The following PRDM16 variants were observed in gnomAD, a reference collection of about 807,000 sequenced individuals.
PRDM16 encodes the protein histone-lysine N-methyltransferase PRDM16.
PRDM16 carries 23 observed loss-of-function variants against 110.6 expected under a neutral mutation model. That is an observed-to-expected ratio of 0.21 (90% confidence interval 0.15 to 0.29). PRDM16 has a LOEUF of 0.29. Among genes scored for constraint, PRDM16 ranks in the 10% least tolerant of loss-of-function variants. PRDM16 has a pLI of 1.00. For missense variants in PRDM16, 1,615 were observed against 1,794.3 expected (o/e 0.90, Z 1.81); for synonymous variants, 799 against 781.8 (o/e 1.02, Z -0.37).
chr1:3,072,730 G>C (rs547776195), intron 1 of PRDM16, among the ~76,000 whole-genome samples: 23 of 152,330 alleles, frequency 1.5e-4, no homozygotes, highest in African/African-American at 5.3e-4. Flanking sequence ...CTGAAGGCCG[G>C]TTAGGGCAGC....
chr1:3,330,825 T>C (rs2483272), intron 3 of PRDM16, among the ~76,000 whole-genome samples: 87,947 of 152,118 alleles, frequency 0.58, 26,871 homozygotes, highest in African/African-American at 0.78. Context: ...GTGCCCCTGG[T>C]TCATACAGGC....
At chr1:3,273,817 A>AGTGTGTGTGT (rs57550885) in intron 3 of PRDM16, among the ~76,000 whole-genome samples, 1 of 136,936 alleles carries the variant, frequency 7.3e-6, no homozygotes, top group African/African-American at 2.6e-5. Flanking sequence ...TAGGCATGTA[A>AGTGTGTGTGT]GTGTGTGTGT....
intron 9 of PRDM16, among the ~76,000 whole-genome samples, chr1:3,413,827 C>T (rs1036359640): frequency 1.3e-5 from 2 of 152,208 alleles, no homozygotes; most frequent in Non-Finnish European, 1.5e-5. Context: ...TGCCCACGGC[C>T]TCTGTTTACC....
At chr1:3,186,589 C>A in intron 2 of PRDM16, 115 bp downstream of exon 2, 1 of 646,054 alleles carries the variant, frequency 1.5e-6, no homozygotes, top group Non-Finnish European at 2.6e-6. Context: ...CCAGAGAGAG[C>A]GTTCAAATGT....
chr1:3,392,308 G>A (rs1466549111), intron 4 of PRDM16, among the ~76,000 whole-genome samples: 2 of 152,198 alleles, frequency 1.3e-5, no homozygotes, highest in African/African-American at 2.4e-5. Flanking sequence ...GTAAGCACAC[G>A]GAAGGAGGGT....
chr1:3,195,184 C>T (rs10797382), intron 2 of PRDM16, among the ~76,000 whole-genome samples: 43,995 of 152,094 alleles, frequency 0.29, 8,502 homozygotes, highest in African/African-American at 0.54. Context: ...TGCAGAGAAA[C>T]CCATGGGCCT....
intron 1 of PRDM16, among the ~76,000 whole-genome samples, chr1:3,093,992 T>C (rs141262693): frequency 2.6e-5 from 4 of 152,306 alleles, no homozygotes; most frequent in East Asian, 3.9e-4. Context: ...TGCGATTCTG[T>C]GGTCAGGCTG....
At chr1:3,281,977 T>G (rs945406590) in intron 3 of PRDM16, among the ~76,000 whole-genome samples, 1 of 151,934 alleles carries the variant, frequency 6.6e-6, no homozygotes, top group Non-Finnish European at 1.5e-5. Flanking sequence ...CTAGAAGGAG[T>G]GCTGGCCTGC....
intron 2 of PRDM16, among the ~76,000 whole-genome samples, chr1:3,239,256 G>C (rs919729396): frequency 6.6e-6 from 1 of 152,192 alleles, no homozygotes; most frequent in African/African-American, 2.4e-5. Context: ...GGCTCAGTGT[G>C]GCCTGGTCAT....
At chr1:3,392,189 G>A (rs1475596063) in intron 4 of PRDM16, among the ~76,000 whole-genome samples, 3 of 152,210 alleles carry the variant, frequency 2.0e-5, no homozygotes, top group Admixed American at 1.3e-4. Context: ...AAAGAATTCC[G>A]ATTCCACTGG....
chr1:3,161,795 G>A (rs1235577090), intron 1 of PRDM16, among the ~76,000 whole-genome samples: 1 of 152,218 alleles, frequency 6.6e-6, no homozygotes, highest in Non-Finnish European at 1.5e-5. Context: ...TGCCAGCGGC[G>A]TCCCAGCTCC....
At chr1:3,325,372 A>T (rs1641865009) in intron 3 of PRDM16, among the ~76,000 whole-genome samples, 1 of 152,176 alleles carries the variant, frequency 6.6e-6, no homozygotes, top group African/African-American at 2.4e-5. Flanking sequence ...TGGGAGATGA[A>T]CGCAGGGGAT....
chr1:3,172,299 G>A (rs1190362401), intron 1 of PRDM16, among the ~76,000 whole-genome samples: 1 of 152,184 alleles, frequency 6.6e-6, no homozygotes, highest in Admixed American at 6.5e-5. Flanking sequence ...AGGCTGGAAG[G>A]AGACCCTGTC....
chr1:3,377,191 G>A lies in PRDM16; in HGVS notation c.439-7961G>A, dbSNP rs114158678. Among the ~76,000 whole-genome samples, 960 of 152,268 alleles carry A rather than the reference G, an allele frequency of 6.3e-3. 17 individuals are homozygous for A. Among genetic ancestry groups the A allele is most frequent in the African/African-American group, 0.022 (919 of 41,564 alleles). Reference sequence around the variant, plus strand: ...AAGGAGACCCTCTCCCCCGGCTCCCGCCAGCTCCTGGCTGTCAGAGGTGGA... The same window carrying A: ...AAGGAGACCCTCTCCCCCGGCTCCCACCAGCTCCTGGCTGTCAGAGGTGGA... On this transcript the variant is annotated intron_variant, in intron 3 of 16. Transcript: ENST00000270722.
intron 2 of PRDM16, among the ~76,000 whole-genome samples, chr1:3,200,732 CAG>C (rs987905175): frequency 6.7e-6 from 1 of 150,126 alleles, no homozygotes. Flanking sequence ...CCTGGAAATG[CAG>C]AGAGTGCTGC....
At chr1:3,317,642 G>A (rs757295128) in intron 3 of PRDM16, among the ~76,000 whole-genome samples, 86 of 152,356 alleles carry the variant, frequency 5.6e-4, no homozygotes, top group Non-Finnish European at 9.6e-4. Flanking sequence ...AGCGGCCCTG[G>A]CCTCCAGACA....
chr1:3,412,752 C>T lies in PRDM16; in HGVS notation c.2555C>T (p.Pro852Leu), dbSNP rs771456448. Residue 852 changes from proline to leucine, a missense_variant, in exon 9 of 17, where the codon CCG (proline) becomes CTG (leucine). Around this residue, in one of 5 missense-constraint regions of PRDM16, gnomAD observed 772 missense variants for 748.3 expected, o/e 1.03. Transcript: ENST00000270722. ...VCPARMPQQP[P>L]LHYAKPSPFF... ...CCGGCGCGGATGCCCCAGCAGCCCC[C>T]GCTCCACTACGCCAAGCCCTCGCCC... The T allele has an allele frequency of 5.3e-6, 8 of 1,501,982 alleles. No homozygotes were observed. The highest frequency in any genetic ancestry group is 4.0e-5 in the South Asian group (3 of 75,568). 93.0% of individuals were successfully genotyped at this position (1,501,982 alleles called of 1,614,324 possible).
At chr1:3,158,855 C>T (rs547286800) in intron 1 of PRDM16, among the ~76,000 whole-genome samples, 109 of 151,466 alleles carry the variant, frequency 7.2e-4, no homozygotes, top group Admixed American at 1.2e-3. Flanking sequence ...CTCACTGCAA[C>T]CCCCGCCTCC....
At chr1:3,275,020 AC>A (rs1276302778) in intron 3 of PRDM16, among the ~76,000 whole-genome samples, 2 of 152,020 alleles carry the variant, frequency 1.3e-5, no homozygotes, top group Non-Finnish European at 2.9e-5. Context: ...GCAAGGTTGG[AC>A]TCTGAGCATC....
Sources: gnomAD v4.1 joint callset for allele counts (sites outside exome capture counted in the v4.1 genomes callset) on GRCh38, gnomAD v4.1.1 for gene constraint, gnomAD v4.1.1 regional missense constraint, MANE v1.5 for transcripts, NCBI Gene and HGNC (gene_info 2026-07-23, HGNC 2026-07-21) for gene names.